The following BTRC variants were observed in gnomAD, a reference collection of about 807,000 sequenced individuals.
BTRC encodes F-box/WD repeat-containing protein 1A.
BTRC carries 42 observed loss-of-function variants against 85.5 expected under a neutral mutation model. The observed-to-expected ratio is 0.49, with a 90% CI of 0.38 to 0.64. BTRC has a LOEUF of 0.64. Ranked by LOEUF, BTRC falls within the 30% of genes least tolerant of loss-of-function variation. The pLI is 0.00. For missense variants in BTRC, 594 were observed against 743.5 expected, an observed-to-expected ratio of 0.80 and a Z score of 2.34; for synonymous variants, 255 against 263.3, an observed-to-expected ratio of 0.97 and a Z score of 0.30.
At chr10:101,378,776 C>T (rs1240913390) in intron 1 of BTRC, among the ~76,000 whole-genome samples, 1 of 138,864 alleles carries the variant, frequency 7.2e-6, no homozygotes, top group Non-Finnish European at 1.7e-5. Flanking sequence ...CCGCCCACTT[C>T]GGCCTCCCAA....
chr10:101,483,934 A>G (rs1301063268), intron 4 of BTRC, among the ~76,000 whole-genome samples: 1 of 152,172 alleles, frequency 6.6e-6, no homozygotes, highest in African/African-American at 2.4e-5. Context: ...TGGCTTTATT[A>G]AACTATTACT....
At chr10:101,374,813 C>T (rs1344183974) in intron 1 of BTRC, among the ~76,000 whole-genome samples, 5 of 151,740 alleles carry the variant, frequency 3.3e-5, no homozygotes, top group South Asian at 4.2e-4. Flanking sequence ...AAAGTTTATC[C>T]GCATAAAAAG....
In BTRC at chr10:101,490,613, G is replaced by A. The variant is rs551135094; in HGVS notation, c.324+11156G>A. Among the ~76,000 whole-genome samples the A allele has an allele frequency of 6.6e-5, 10 of 152,186 alleles. No individual in the cohort carries two copies. In the South Asian group the frequency reaches 2.1e-3, roughly 32 times the overall value. ...CTCCTACCAGGATACTTCCCCCATC[G>A]CATTGTGTAGCTTTTCTCCATTTCA... On this transcript the variant is annotated intron_variant, in intron 4 of 14. Coordinates refer to ENST00000370187, the MANE Select transcript of BTRC (RefSeq NM_033637.4).
intron 13 of BTRC, among the ~76,000 whole-genome samples, chr10:101,543,464 G>GTTTTTTTTTT (rs527259189): frequency 2.3e-5 from 3 of 130,532 alleles, no homozygotes; most frequent in African/African-American, 2.8e-5. Flanking sequence ...GTTTTTTTTT[G>GTTTTTTTTTT]TTTTTTTTTT....
chr10:101,540,791 C>T (rs2062454535), intron 13 of BTRC, among the ~76,000 whole-genome samples: 1 of 152,160 alleles, frequency 6.6e-6, no homozygotes, highest in African/African-American at 2.4e-5. Context: ...GCCACTCCAT[C>T]TGCTGGGTTT....
Position 101,452,421 on chromosome 10 carries a change from T to C in BTRC, c.157-9560T>C, listed in dbSNP as rs116608882. Among the ~76,000 whole-genome samples the C allele has an allele frequency of 2.0e-3, 304 of 152,304 alleles. 2 individuals carry two copies. Among genetic ancestry groups the C allele is most frequent in the African/African-American group, 6.8e-3 (283 of 41,572 alleles). The stretch of plus-strand genomic sequence containing the variant: ...TGCCAACCAGATTGGAATTCTCCTA[T>C]CCAAGGCTTCCATTAACCCCCACTG... On this transcript the variant is annotated intron_variant, in intron 2 of 14. Coordinates refer to ENST00000370187, the MANE Select transcript of BTRC (RefSeq NM_033637.4).
chr10:101,415,859 G>GT lies in BTRC; in HGVS notation c.49-14485dup, dbSNP rs1273646108. Among the ~76,000 whole-genome samples the GT allele has an allele frequency of 2.6e-5, 4 of 152,082 alleles. No homozygotes were observed. In the East Asian group the frequency reaches 7.7e-4, roughly 29 times the overall value. On this transcript the variant is annotated intron_variant, in intron 1 of 14. Transcript: ENST00000370187. ...CCTGGCCCTTTTAATCTTTTATACTGTATTTTTACTGTACTTTTTCTGTTT... is the reference window on the plus strand; with the variant it reads ...CCTGGCCCTTTTAATCTTTTATACTGTTATTTTTACTGTACTTTTTCTGTTT...
chr10:101,364,901 G>A (rs1371361891), intron 1 of BTRC: 2 of 150,464 alleles, frequency 1.3e-5, no homozygotes, highest in African/African-American at 4.9e-5. Flanking sequence ...TGGAGTGGAC[G>A]GAGCAAGCTC....
chr10:101,365,104 G>C (rs1200986287), intron 1 of BTRC: 1 of 148,334 alleles, frequency 6.7e-6, no homozygotes, highest in Non-Finnish European at 1.5e-5. Context: ...ATGGAGTTTC[G>C]CTCTTGGTGC....
intron 1 of BTRC, among the ~76,000 whole-genome samples, chr10:101,424,540 G>A (rs10159775): frequency 0.37 from 55,521 of 152,050 alleles, 11,166 homozygotes; most frequent in Middle Eastern, 0.48. Context: ...TATAGCTTCT[G>A]TTACTCCTAG....
intron 4 of BTRC, among the ~76,000 whole-genome samples, chr10:101,512,351 A>G (rs2061968026): frequency 6.6e-6 from 1 of 152,138 alleles, no homozygotes; most frequent in Non-Finnish European, 1.5e-5. Flanking sequence ...GAATCCTTAG[A>G]TATCTTTTAT....
At chr10:101,505,974 G>A (rs1564813042) in intron 4 of BTRC, among the ~76,000 whole-genome samples, 2 of 151,762 alleles carry the variant, frequency 1.3e-5, no homozygotes, top group African/African-American at 4.8e-5. Context: ...GAGTGCAGTG[G>A]CACAATCTCA....
chr10:101,499,703 T>C (rs769519801), intron 4 of BTRC, among the ~76,000 whole-genome samples: 14 of 151,498 alleles, frequency 9.2e-5, no homozygotes, highest in Non-Finnish European at 1.9e-4. Flanking sequence ...TATTCTGATA[T>C]CAGCCCACTC....
At chr10:101,379,288 A>G (rs1942870146) in intron 1 of BTRC, among the ~76,000 whole-genome samples, 3 of 152,210 alleles carry the variant, frequency 2.0e-5, no homozygotes, top group African/African-American at 7.2e-5. Flanking sequence ...CACCTCATCA[A>G]TAAACTACAT....
At chr10:101,372,241 G>A (rs924126508) in intron 1 of BTRC, among the ~76,000 whole-genome samples, 6 of 149,096 alleles carry the variant, frequency 4.0e-5, no homozygotes, top group African/African-American at 9.8e-5. Context: ...GGCCTTTTGC[G>A]TTTTCTTTTT....
At chr10:101,389,093 T>C (rs1005349149) in intron 1 of BTRC, among the ~76,000 whole-genome samples, 2 of 149,614 alleles carry the variant, frequency 1.3e-5, no homozygotes, top group African/African-American at 2.5e-5. Flanking sequence ...CACTTGAATG[T>C]TGCATAATTG....
chr10:101,494,826 A>G (rs1194600392), intron 4 of BTRC, among the ~76,000 whole-genome samples: 1 of 152,206 alleles, frequency 6.6e-6, no homozygotes, highest in Non-Finnish European at 1.5e-5. Context: ...ATTGCAGAGG[A>G]TTACAGCATC....
chr10:101,462,150 G>A, intron 3 of BTRC, 92 bp downstream of exon 3: 2 of 1,036,684 alleles, frequency 1.9e-6, no homozygotes, highest in Non-Finnish European at 2.9e-6. Flanking sequence ...TTTAAGCACT[G>A]GAGCTTATAT....
At chr10:101,484,846 T>C (rs1176015364) in intron 4 of BTRC, among the ~76,000 whole-genome samples, 1 of 152,254 alleles carries the variant, frequency 6.6e-6, no homozygotes, top group African/African-American at 2.4e-5. Flanking sequence ...AATATTCATA[T>C]GAGCTTAATG....
Sources: allele counts gnomAD v4.1 joint callset (sites outside exome capture counted in the v4.1 genomes callset), GRCh38; gene constraint gnomAD v4.1.1; transcripts MANE v1.5; gene names NCBI Gene and HGNC (gene_info 2026-07-23, HGNC 2026-07-21).